Variants in TTI1 observed in about 807,000 individuals in gnomAD.
TTI1 encodes the protein TELO2-interacting protein 1 homolog.
A neutral mutation model predicts 85.4 loss-of-function variants in TTI1; 52 were observed. That is an observed-to-expected ratio of 0.61 (90% CI 0.49 to 0.77). TTI1 has a LOEUF of 0.77. TTI1 is among the 30% of genes least tolerant of loss of function. TTI1 has a pLI of 0.00. For synonymous variants in TTI1, 512 were observed against 503.9 expected, an observed-to-expected ratio of 1.02 and a Z score of -0.22; for missense variants, 1,173 against 1,296.0, an observed-to-expected ratio of 0.91 and a Z score of 1.46.
intron 2 of TTI1, among the ~76,000 whole-genome samples, chr20:38,010,440 T>C (rs2073566356): frequency 1.3e-5 from 2 of 151,236 alleles, no homozygotes; most frequent in South Asian, 2.1e-4. Flanking sequence ...CCTTTCCTTA[T>C]AATTGAAGTC....
intron 6 of TTI1, 128 bp downstream of exon 6, chr20:37,996,621 G>T: frequency 7.1e-7 from 1 of 1,403,682 alleles, no homozygotes; most frequent in Non-Finnish European, 9.8e-7. Context: ...GGACAAATGA[G>T]GCCAAAATAA....
chr20:38,007,571 G>C (rs1031383387), intron 2 of TTI1, among the ~76,000 whole-genome samples: 5 of 152,278 alleles, frequency 3.3e-5, no homozygotes, highest in Middle Eastern at 3.4e-3. Flanking sequence ...TTCAAAAAAG[G>C]CTCTTAATAC....
At chr20:38,023,411 C>A (rs1029733149) in intron 1 of TTI1, among the ~76,000 whole-genome samples, 1 of 152,216 alleles carries the variant, frequency 6.6e-6, no homozygotes, top group African/African-American at 2.4e-5. Flanking sequence ...TGGGAATCTA[C>A]AATTTTAAAA....
At chr20:38,022,248 T>G (rs1185704675) in intron 1 of TTI1, among the ~76,000 whole-genome samples, 1 of 152,208 alleles carries the variant, frequency 6.6e-6, no homozygotes, top group African/African-American at 2.4e-5. Context: ...CTCGCTCCTT[T>G]ACCACTTTCA....
rs1428536478 is a variant in TTI1 at position 38,016,455 on chromosome 20, A to G, written c.-41-2598T>C. On this transcript the variant is annotated intron_variant, in intron 1 of 7. Coordinates refer to ENST00000373447, the MANE Select transcript of TTI1 (RefSeq NM_001303457.2). ...CCCCTGACAGGGTGGTGGTTCCTAA[A>G]CTACATTCTCAGATTATATAACAAA... Among the ~76,000 whole-genome samples, 3 of 152,204 alleles carry G rather than the reference A, an allele frequency of 2.0e-5. No individual in the cohort carries two copies. In the East Asian group the frequency reaches 5.8e-4, roughly 29 times the overall value.
At chr20:37,987,122 T>C (rs748022490) in intron 7 of TTI1, 13 of 456,244 alleles carry the variant, frequency 2.8e-5, no homozygotes, top group Non-Finnish European at 4.8e-5. Context: ...CCTTGTTGGC[T>C]TTAAGCCCCT....
intron 1 of TTI1, among the ~76,000 whole-genome samples, chr20:38,027,476 ATT>A (rs1568633087): frequency 1.3e-5 from 2 of 152,196 alleles, no homozygotes; most frequent in African/African-American, 4.8e-5. Context: ...ATCTCTATAA[ATT>A]TTGACTCCCC....
chr20:37,990,165 C>T (rs1272785200), intron 7 of TTI1, among the ~76,000 whole-genome samples: 3 of 152,208 alleles, frequency 2.0e-5, no homozygotes, highest in Non-Finnish European at 4.4e-5. Context: ...TCGGTCTCAT[C>T]TTGTTTTTGC....
intron 4 of TTI1, chr20:38,000,346 T>A (rs1396340471): frequency 6.5e-6 from 1 of 154,396 alleles, no homozygotes; most frequent in African/African-American, 2.4e-5. Context: ...TAGGCTACCC[T>A]ACATATAAAC....
In TTI1 at chr20:38,013,056, C is replaced by A. The variant is rs2073624734; in HGVS notation, c.761G>T (p.Arg254Ile). The change falls in exon 2 of 8, where the codon AGA becomes ATA. Residue 254 changes from arginine (R) to isoleucine (I), a missense_variant. Transcript: ENST00000373447. ...SFIMADEQLK[R>I]ISKVQAKPAV... ...AGGTTTTGCTTGGACCTTTGAGATTCTTTTGAGCTGTTCATCAGCCATAAT... is the reference window on the plus strand; with the variant it reads ...AGGTTTTGCTTGGACCTTTGAGATTATTTTGAGCTGTTCATCAGCCATAAT... 1 of 1,614,044 alleles carries A rather than the reference C, an allele frequency of 6.2e-7. No homozygotes were observed. Among genetic ancestry groups the A allele is most frequent in the African/African-American group, 1.3e-5 (1 of 74,934 alleles).
Position 38,013,640 on chromosome 20 carries a change from G to T in TTI1, c.177C>A (p.Thr59=). Residue 59 remains threonine, a synonymous_variant, in exon 2 of 8, where the codon ACC becomes ACA. Transcript: ENST00000373447. ...QQYILFPLRF[T]LKTPGPKRER... ...CTCTTTTGGGACCTGGGGTCTTCAG[G>T]GTAAATCGCAGAGGGAAGAGGATGT... The T allele has an allele frequency of 6.2e-7, 1 of 1,614,188 alleles. No homozygotes were observed. The highest frequency in any genetic ancestry group is 2.2e-5 in the East Asian group (1 of 44,888).
chr20:38,002,902 AC>A, intron 3 of TTI1, 126 bp from the exon 4 acceptor site: 3 of 1,274,256 alleles, frequency 2.4e-6, no homozygotes, highest in Non-Finnish European at 3.3e-6. Context: ...GGACTGAGAC[AC>A]CTCCACTCAA....
At chr20:37,996,679 A>G in intron 6 of TTI1, 70 bp downstream of exon 6, 1 of 1,535,482 alleles carries the variant, frequency 6.5e-7, no homozygotes, top group Non-Finnish European at 8.8e-7. Flanking sequence ...ACGACTGAGC[A>G]GAGGGCATGA....
At chr20:38,008,416 G>A (rs537260786) in intron 2 of TTI1, among the ~76,000 whole-genome samples, 5 of 152,278 alleles carry the variant, frequency 3.3e-5, no homozygotes, top group South Asian at 2.1e-4. Context: ...TGGTGCAGAC[G>A]CGTGATGGAA....
chr20:37,997,264 A>G (rs74554795), intron 5 of TTI1, among the ~76,000 whole-genome samples: 7 of 152,086 alleles, frequency 4.6e-5, no homozygotes, highest in African/African-American at 1.4e-4. Flanking sequence ...AAAAAAAAAA[A>G]AGAGAAGAGC....
At position 38,011,569 on chromosome 20, in the gene TTI1, C is replaced by G; in HGVS notation, c.2248G>C (p.Asp750His). The G allele has an allele frequency of 1.2e-6, 2 of 1,614,166 alleles. No individual in the cohort carries two copies. Among genetic ancestry groups the G allele is most frequent in the Non-Finnish European group, 1.7e-6 (2 of 1,180,024 alleles). ...CTGACAAAGGAAGCAGCTCTCTTAT[C>G]GTAAAATTGGTCCAGGGTGGCCAAG... is the stretch of plus-strand genomic sequence containing the variant. The part of the protein sequence containing the change: ...DVLATLDQFY[D>H]KRAASFVSVL... The change falls in exon 2 of 8, where the codon GAT (aspartate) becomes CAT (histidine). Residue 750 changes from aspartate to histidine, a missense_variant. Coordinates refer to ENST00000373447, the MANE Select transcript of TTI1 (RefSeq NM_001303457.2).
At chr20:38,020,321 A>ATAT (rs1443587921) in intron 1 of TTI1, among the ~76,000 whole-genome samples, 70 of 42,694 alleles carry the variant, frequency 1.6e-3, no homozygotes, top group African/African-American at 5.7e-3. Flanking sequence ...AAAAAAAAAA[A>ATAT]AAATATATAT....
intron 1 of TTI1, among the ~76,000 whole-genome samples, chr20:38,018,477 C>T (rs867595745): frequency 8.2e-4 from 124 of 151,990 alleles, no homozygotes; most frequent in Middle Eastern, 6.8e-3. Context: ...ACATAAAAGA[C>T]GTGGAATAAA....
Position 38,013,132 on chromosome 20 carries a change from G to C in TTI1, c.685C>G (p.His229Asp). Residue 229 changes from histidine (H) to aspartate (D), a missense_variant, in exon 2 of 8, where the codon CAC (histidine) becomes GAC (aspartate). His to Asp is a moderately conservative substitution (Grantham distance 81). Transcript: ENST00000373447. Reference sequence around the variant, plus strand: ...TTTAGGGAAGATACGACAATGCTGTGACCTTGTTTAAAGTCTCCTGTGATA... The same window carrying C: ...TTTAGGGAAGATACGACAATGCTGTCACCTTGTTTAAAGTCTCCTGTGATA... Reference protein sequence around the residue: ...RLITGDFKQGHSIVVSSLKIF... With the variant: ...RLITGDFKQGDSIVVSSLKIF... 1.9e-6 allele frequency: 3 copies of C among 1,614,142 alleles called. No individual in the cohort carries two copies. The highest frequency in any genetic ancestry group is 2.5e-6 in the Non-Finnish European group (3 of 1,180,036).
Sources: gnomAD v4.1 joint callset for allele counts (sites outside exome capture counted in the v4.1 genomes callset) on GRCh38, gnomAD v4.1.1 for gene constraint, MANE v1.5 for transcripts, NCBI Gene and HGNC (gene_info 2026-07-23, HGNC 2026-07-21) for gene names.